Variants in TRIO observed in about 807,000 individuals in gnomAD.
TRIO encodes the protein trio Rho guanine nucleotide exchange factor.
In TRIO, 58 loss-of-function variants were observed where a neutral mutation model predicts 351.9. The ratio of observed to expected loss-of-function variants is 0.16; its 90% CI spans 0.13 to 0.21. TRIO has a LOEUF of 0.21. Ranked by LOEUF, TRIO falls within the 10% of genes least tolerant of loss-of-function variation. TRIO has a pLI of 1.00. For synonymous variants in TRIO, 1,758 were observed against 1,595.7 expected, an observed-to-expected ratio of 1.10 and a Z score of -2.42; for missense variants, 3,201 against 4,027.8, an observed-to-expected ratio of 0.79 and a Z score of 5.56.
At chr5:14,192,715 A>G (rs1581318806) in intron 1 of TRIO, among the ~76,000 whole-genome samples, 1 of 152,224 alleles carries the variant, frequency 6.6e-6, no homozygotes, top group East Asian at 1.9e-4. Flanking sequence ...TAAGTGGAGT[A>G]CATTAACTCA....
At chr5:14,424,546 A>G (rs1750478553) in intron 34 of TRIO, among the ~76,000 whole-genome samples, 2 of 152,168 alleles carry the variant, frequency 1.3e-5, no homozygotes, top group African/African-American at 2.4e-5. Context: ...TTGAGCCTCT[A>G]AACCCAGGGG....
intron 2 of TRIO, among the ~76,000 whole-genome samples, chr5:14,274,012 A>G (rs2152271785): frequency 6.6e-6 from 1 of 152,294 alleles, no homozygotes; most frequent in East Asian, 1.9e-4. Flanking sequence ...TCCAGATATT[A>G]TTTTATTTAT....
At chr5:14,402,474 G>A (rs888174908) in intron 31 of TRIO, among the ~76,000 whole-genome samples, 3 of 152,248 alleles carry the variant, frequency 2.0e-5, no homozygotes, top group African/African-American at 7.2e-5. Flanking sequence ...TTGCTGCATG[G>A]TGTTGGTGTA....
At chr5:14,219,539 C>T (rs181469444) in intron 1 of TRIO, among the ~76,000 whole-genome samples, 15 of 152,336 alleles carry the variant, frequency 9.8e-5, no homozygotes, top group African/African-American at 2.6e-4. Context: ...GGGGACCCTT[C>T]AGGTTTGTGG....
chr5:14,404,944 G>T (rs902801520), intron 31 of TRIO, among the ~76,000 whole-genome samples: 2 of 152,070 alleles, frequency 1.3e-5, no homozygotes, highest in East Asian at 3.9e-4. Flanking sequence ...CCTCATCTAC[G>T]ATGAGTTATG....
chr5:14,217,863 G>C (rs1038153099), intron 1 of TRIO, among the ~76,000 whole-genome samples: 1 of 152,196 alleles, frequency 6.6e-6, no homozygotes, highest in Admixed American at 6.5e-5. Context: ...AAGGTTATAG[G>C]AAAGTGTCTC....
intron 1 of TRIO, among the ~76,000 whole-genome samples, chr5:14,144,922 C>T (rs1316621386): frequency 1.1e-5 from 1 of 94,546 alleles, no homozygotes; most frequent in Non-Finnish European, 2.0e-5. Flanking sequence ...GCGGCGGCGG[C>T]GGCCTCGGGG....
chr5:14,276,637 C>G (rs1234337308), intron 2 of TRIO, among the ~76,000 whole-genome samples: 1 of 152,194 alleles, frequency 6.6e-6, no homozygotes, highest in East Asian at 1.9e-4. Flanking sequence ...TGGACAGCGG[C>G]TGAAGAATCA....
intron 1 of TRIO, among the ~76,000 whole-genome samples, chr5:14,166,517 C>G (rs1172475143): frequency 6.6e-6 from 1 of 152,092 alleles, no homozygotes; most frequent in African/African-American, 2.4e-5. Flanking sequence ...CTCAGTTGCC[C>G]TGGTGTCATG....
intron 11 of TRIO, among the ~76,000 whole-genome samples, chr5:14,347,743 G>C (rs984059506): frequency 6.6e-6 from 1 of 152,212 alleles, no homozygotes; most frequent in African/African-American, 2.4e-5. Flanking sequence ...AGTTTCTAGC[G>C]TCATGTTGCA....
intron 6 of TRIO, among the ~76,000 whole-genome samples, chr5:14,295,032 G>C (rs933877201): frequency 6.6e-6 from 1 of 152,124 alleles, no homozygotes; most frequent in African/African-American, 2.4e-5. Flanking sequence ...TGCCATGAAG[G>C]TGATGCCTGC....
chr5:14,263,727 C>A lies in TRIO; in HGVS notation c.158-7098C>A, dbSNP rs116253199. On this transcript the variant is annotated intron_variant, in intron 1 of 56. Transcript: ENST00000344204. ...TTTGGGGCAGGACAGCATCACAGAA[C>A]CCTATATGTGCATGTATGTGTGTGT... Among the ~76,000 whole-genome samples, 810 of 152,228 alleles carry A rather than the reference C, an allele frequency of 5.3e-3. 6 individuals are homozygous for A. The highest frequency in any genetic ancestry group is 0.018 in the African/African-American group (760 of 41,522).
At chr5:14,305,864 G>A (rs1255193788) in intron 8 of TRIO, among the ~76,000 whole-genome samples, 1 of 152,186 alleles carries the variant, frequency 6.6e-6, no homozygotes, top group Non-Finnish European at 1.5e-5. Context: ...TTATAATATT[G>A]TATTTTACTG....
At chr5:14,145,414 C>T (rs1787448726) in intron 1 of TRIO, among the ~76,000 whole-genome samples, 1 of 152,076 alleles carries the variant, frequency 6.6e-6, no homozygotes, top group African/African-American at 2.4e-5. Context: ...TAATCTACTC[C>T]CCAGTGCTCA....
chr5:14,504,302 C>G, intron 54 of TRIO, 91 bp from the exon 55 acceptor site: 5 of 1,431,268 alleles, frequency 3.5e-6, no homozygotes, highest in Non-Finnish European at 2.9e-6. Context: ...GGCTGGGCCA[C>G]CACACAGCCA....
intron 1 of TRIO, among the ~76,000 whole-genome samples, chr5:14,194,579 G>A (rs577993196): frequency 6.6e-6 from 1 of 152,276 alleles, no homozygotes; most frequent in East Asian, 1.9e-4. Flanking sequence ...TCAAGGGTGG[G>A]ATGTTATTCC....
chr5:14,176,971 C>G (rs1443842070), intron 1 of TRIO, among the ~76,000 whole-genome samples: 6 of 152,098 alleles, frequency 3.9e-5, no homozygotes, highest in Non-Finnish European at 7.4e-5. Flanking sequence ...AAATGAAACA[C>G]TTGACCATTA....
intron 1 of TRIO, 152 bp downstream of exon 1, chr5:14,144,034 A>T (rs1319947244): frequency 3.8e-6 from 2 of 519,662 alleles, no homozygotes; most frequent in Non-Finnish European, 5.0e-6. Context: ...CACTGCTTCC[A>T]TGCGCCGGGG....
chr5:14,488,818 A>ACGTCAC, intron 48 of TRIO: 1 of 654,446 alleles, frequency 1.5e-6, no homozygotes, highest in Non-Finnish European at 2.8e-6. Flanking sequence ...GGAACGCTTT[A>ACGTCAC]CGTCACCGTG....
Sources: gnomAD v4.1 joint callset for allele counts (sites outside exome capture counted in the v4.1 genomes callset) on GRCh38, gnomAD v4.1.1 for gene constraint, MANE v1.5 for transcripts, NCBI Gene and HGNC (gene_info 2026-07-23, HGNC 2026-07-21) for gene names.